CNTNAP5: variants seen among roughly 807,000 people sequenced by gnomAD.
CNTNAP5 encodes the protein contactin-associated protein-like 5.
Under a neutral mutation model 150.2 loss-of-function variants are expected in CNTNAP5, and 72 were observed. The ratio of observed to expected loss-of-function variants is 0.48; its 90% CI spans 0.40 to 0.58. CNTNAP5 has a LOEUF of 0.58. Ranked by LOEUF, CNTNAP5 falls within the 20% of genes least tolerant of loss-of-function variation. CNTNAP5 has a pLI of 0.00. For missense variants in CNTNAP5, 1,636 were observed against 1,626.2 expected (o/e 1.01, Z -0.10); for synonymous variants, 672 against 619.8 (o/e 1.08, Z -1.25).
intron 7 of CNTNAP5, among the ~76,000 whole-genome samples, chr2:124,495,134 G>A (rs1040102281): frequency 1.3e-5 from 2 of 151,984 alleles, no homozygotes; most frequent in East Asian, 3.9e-4. Context: ...TTTCTTGCTT[G>A]CCATAAACAT....
At chr2:124,495,379 A>G (rs746548700) in intron 7 of CNTNAP5, among the ~76,000 whole-genome samples, 10 of 152,196 alleles carry the variant, frequency 6.6e-5, no homozygotes, top group Admixed American at 1.3e-4. Flanking sequence ...TTTGTGCAAT[A>G]TTTGCTAACG....
intron 6 of CNTNAP5, among the ~76,000 whole-genome samples, chr2:124,451,049 A>ATATATAT (rs1220088749): frequency 2.7e-5 from 2 of 73,724 alleles, no homozygotes; most frequent in African/African-American, 1.1e-4. Flanking sequence ...AAAAAAAAAA[A>ATATATAT]AAATATATAT....
At chr2:124,721,242 G>A (rs1680042184) in intron 13 of CNTNAP5, among the ~76,000 whole-genome samples, 3 of 152,122 alleles carry the variant, frequency 2.0e-5, no homozygotes, top group Admixed American at 2.0e-4. Flanking sequence ...AGTTTGGGAG[G>A]CCGAGGCACG....
At chr2:124,488,310 A>G (rs1158177170) in intron 7 of CNTNAP5, among the ~76,000 whole-genome samples, 2 of 152,142 alleles carry the variant, frequency 1.3e-5, no homozygotes, top group Non-Finnish European at 2.9e-5. Context: ...CATGCCAAAT[A>G]TTGTGTCAAT....
At chr2:124,245,623 G>A (rs1252516020) in intron 3 of CNTNAP5, among the ~76,000 whole-genome samples, 1 of 150,358 alleles carries the variant, frequency 6.7e-6, no homozygotes, top group African/African-American at 2.5e-5. Context: ...GCATGTGTGT[G>A]TATATATATG....
At chr2:124,656,659 A>G (rs191120263) in intron 13 of CNTNAP5, among the ~76,000 whole-genome samples, 7 of 152,330 alleles carry the variant, frequency 4.6e-5, no homozygotes, top group African/African-American at 1.4e-4. Context: ...TATATATCTG[A>G]CCACAATTGA....
chr2:124,273,609 C>T (rs1249082953), intron 3 of CNTNAP5, among the ~76,000 whole-genome samples: 3 of 152,090 alleles, frequency 2.0e-5, no homozygotes, highest in Non-Finnish European at 4.4e-5. Flanking sequence ...ACCTACCAAC[C>T]CTGGAAAGGA....
At chr2:124,172,327 A>C (rs1286114955) in intron 1 of CNTNAP5, among the ~76,000 whole-genome samples, 1 of 152,226 alleles carries the variant, frequency 6.6e-6, no homozygotes, top group African/African-American at 2.4e-5. Flanking sequence ...TCTAAATTCC[A>C]AAAACTTAGA....
Position 124,420,359 on chromosome 2 carries a change from G to A in CNTNAP5, c.529+2769G>A, listed in dbSNP as rs1273884845. On this transcript the variant is annotated intron_variant, in intron 4 of 23. Transcript: ENST00000682447. ...ACCAAACAAAACAGCAAAAGCTCAT[G>A]GCCCTCTTTAGCAACTACCTCTCCT... Among the ~76,000 whole-genome samples, 3 of 152,028 alleles carry A rather than the reference G, an allele frequency of 2.0e-5. No individual in the cohort carries two copies. In the South Asian group the frequency reaches 6.2e-4, roughly 32 times the overall value.
intron 3 of CNTNAP5, among the ~76,000 whole-genome samples, chr2:124,271,502 A>C (rs1356947928): frequency 6.6e-6 from 1 of 152,142 alleles, no homozygotes; most frequent in Admixed American, 6.6e-5. Flanking sequence ...GGGAAAATGC[A>C]CTATTAACTG....
chr2:124,568,138 TG>T (rs1198297497), intron 11 of CNTNAP5, among the ~76,000 whole-genome samples: 6 of 152,310 alleles, frequency 3.9e-5, no homozygotes, highest in African/African-American at 1.2e-4. Context: ...AACTTGGTGA[TG>T]GGACATTCAT....
intron 3 of CNTNAP5, among the ~76,000 whole-genome samples, chr2:124,407,748 T>A (rs1302555163): frequency 6.6e-6 from 1 of 152,156 alleles, no homozygotes; most frequent in Non-Finnish European, 1.5e-5. Flanking sequence ...TAATTTTTAG[T>A]TTTTTCCTCT....
intron 3 of CNTNAP5, among the ~76,000 whole-genome samples, chr2:124,378,377 A>T (rs1558875009): frequency 1.3e-5 from 2 of 152,008 alleles, no homozygotes; most frequent in Non-Finnish European, 1.5e-5. Flanking sequence ...TCTAACTCCC[A>T]CTGGTAGGAT....
intron 13 of CNTNAP5, among the ~76,000 whole-genome samples, chr2:124,709,954 A>G (rs1193847244): frequency 6.6e-6 from 1 of 152,136 alleles, no homozygotes; most frequent in East Asian, 1.9e-4. Flanking sequence ...TAGGTTTCTC[A>G]ATGTTGATAG....
At chr2:124,564,761 G>A (rs973096491) in intron 11 of CNTNAP5, among the ~76,000 whole-genome samples, 3 of 152,116 alleles carry the variant, frequency 2.0e-5, no homozygotes, top group Non-Finnish European at 2.9e-5. Context: ...GCCCAACTAC[G>A]GACTATAAGT....
At chr2:124,590,415 A>C (rs909393908) in intron 11 of CNTNAP5, among the ~76,000 whole-genome samples, 1 of 152,154 alleles carries the variant, frequency 6.6e-6, no homozygotes, top group African/African-American at 2.4e-5. Flanking sequence ...ACACCAAAAG[A>C]TCTATTTTCT....
intron 13 of CNTNAP5, among the ~76,000 whole-genome samples, chr2:124,710,061 G>A (rs1041560259): frequency 6.6e-6 from 1 of 152,086 alleles, no homozygotes; most frequent in Non-Finnish European, 1.5e-5. Context: ...TAGTGACTGA[G>A]TAGATGGTCA....
chr2:124,377,094 C>A (rs959486724), intron 3 of CNTNAP5, among the ~76,000 whole-genome samples: 44 of 152,068 alleles, frequency 2.9e-4, no homozygotes, highest in African/African-American at 9.4e-4. Flanking sequence ...TGGAAAAAAT[C>A]TTTAATAGCC....
intron 10 of CNTNAP5, among the ~76,000 whole-genome samples, chr2:124,529,829 T>A (rs1695063746): frequency 6.6e-6 from 1 of 152,152 alleles, no homozygotes; most frequent in Non-Finnish European, 1.5e-5. Context: ...CAGTCCGTTG[T>A]TGCAGGCTGT....
Sources: gnomAD v4.1 joint callset for allele counts (sites outside exome capture counted in the v4.1 genomes callset) on GRCh38, gnomAD v4.1.1 for gene constraint, MANE v1.5 for transcripts, NCBI Gene and HGNC (gene_info 2026-07-23, HGNC 2026-07-21) for gene names.